KIF13A: variants seen among roughly 807,000 people sequenced by gnomAD.
KIF13A encodes kinesin-like protein KIF13A.
In KIF13A, 79 loss-of-function variants were observed where a neutral mutation model predicts 212.2. That is an observed-to-expected ratio of 0.37 (90% CI 0.31 to 0.45). The LOEUF is 0.45. KIF13A is among the 20% of genes least tolerant of loss of function. The probability of loss-of-function intolerance (pLI) is 1.00; values close to 1 mark genes in which losing one functional copy is unlikely to be tolerated. For synonymous variants in KIF13A, 789 were observed against 808.6 expected (o/e 0.98, Z 0.41); for missense variants, 1,901 against 2,209.0 (o/e 0.86, Z 2.79).
intron 20 of KIF13A, among the ~76,000 whole-genome samples, chr6:17,800,827 CTGACCTCA>C: frequency 6.6e-6 from 1 of 152,016 alleles, no homozygotes; most frequent in African/African-American, 2.4e-5. Flanking sequence ...TCTCGGACTC[CTGACCTCA>C]TGATCCACCC....
chr6:17,986,299 T>C (rs1428712105), intron 2 of KIF13A, among the ~76,000 whole-genome samples: 1 of 152,220 alleles, frequency 6.6e-6, no homozygotes, highest in Non-Finnish European at 1.5e-5. Context: ...TGCCAAATAT[T>C]CAAATTATTT....
chr6:17,822,084 G>A (rs1764515015), intron 16 of KIF13A, among the ~76,000 whole-genome samples: 1 of 146,316 alleles, frequency 6.8e-6, no homozygotes, highest in African/African-American at 2.5e-5. Context: ...CTGTCACCCA[G>A]GTTGAAGTGC....
In KIF13A at chr6:17,764,945, T is replaced by A. The variant is rs747459627; in HGVS notation, c.4583A>T (p.Asp1528Val). 13 of 1,601,468 alleles carry A rather than the reference T, an allele frequency of 8.1e-6. No individual in the cohort carries two copies. In the East Asian group the frequency reaches 2.9e-4, roughly 36 times the overall value. The change falls in exon 39 of 39, where the codon GAC (aspartate) becomes GTC (valine). Residue 1528 changes from aspartate (D) to valine (V), a missense_variant and splice_region_variant. Transcript: ENST00000259711. This position sits in a 1 kb window ranked among gnomAD's most constrained non-coding sequence, Gnocchi z 5.1. ...CAGCTCATTTTCTTCCTCCTCAGAG[T>A]CCTATAGAAGTGAAGCAAAAGTCAG... ...EHNSKREKKI[D>V]SEEEENELEA...
intron 3 of KIF13A, among the ~76,000 whole-genome samples, chr6:17,890,030 A>C (rs1383307697): frequency 6.6e-6 from 1 of 151,902 alleles, no homozygotes; most frequent in African/African-American, 2.4e-5. Flanking sequence ...CTTTACTAAA[A>C]ACACAAAATT....
In KIF13A at chr6:17,783,547, AT is replaced by A. The variant is rs1264976714; in HGVS notation, c.3544+98del. ...TGTCACCCAATTTGGCACATGAATG[AT>A]TAGAAGAGTGATTTAAGGATCAAAA... On this transcript the variant is annotated intron_variant, in intron 29 of 38. Coordinates refer to ENST00000259711, the MANE Select transcript of KIF13A (RefSeq NM_022113.6). The surrounding 1 kb of genome is among the most constrained non-coding windows in gnomAD (Gnocchi z 4.3). 2 of 838,948 alleles carry A rather than the reference AT, an allele frequency of 2.4e-6. No individual in the cohort carries two copies. The highest frequency in any genetic ancestry group is 5.3e-5 in the East Asian group (2 of 37,576). The allele number at this position is 838,948 out of a possible 1,614,324, so 52.0% of individuals were successfully genotyped here. A position where few individuals can be genotyped will look rare whatever the true frequency, so the allele number is the denominator to read the frequency against.
intron 4 of KIF13A, among the ~76,000 whole-genome samples, chr6:17,857,202 G>C (rs2150408282): frequency 6.6e-6 from 1 of 152,226 alleles, no homozygotes; most frequent in East Asian, 1.9e-4. Context: ...ATGACTGCAG[G>C]ATGAGACTCT....
intron 2 of KIF13A, among the ~76,000 whole-genome samples, chr6:17,935,581 G>A (rs987288455): frequency 3.6e-4 from 55 of 152,212 alleles, no homozygotes; most frequent in African/African-American, 1.1e-3. Flanking sequence ...ACAGATCCAC[G>A]AACCTCTAAG....
chr6:17,955,746 G>A (rs1778304768), intron 2 of KIF13A, among the ~76,000 whole-genome samples: 1 of 152,162 alleles, frequency 6.6e-6, no homozygotes, highest in East Asian at 1.9e-4. Context: ...CCTATTTTCT[G>A]TGACTCCTTT....
In KIF13A at chr6:17,768,720, GCTT is replaced by G. The variant is rs897611658; in HGVS notation, c.4581+2391_4581+2393del. On this transcript the variant is annotated intron_variant, in intron 38 of 38. Transcript: ENST00000259711. This position sits in a 1 kb window ranked among gnomAD's most constrained non-coding sequence, Gnocchi z 5.4. ...AGTTGCTCAACAATTCTAACCCTTT[GCTT>G]CTTCTTCTGTAAACCAGAGGAATAA... 2.6e-5 allele frequency among the ~76,000 whole-genome samples: 4 copies of G among 152,166 alleles called. No homozygotes were observed. Among genetic ancestry groups the G allele is most frequent in the South Asian group, 2.1e-4 (1 of 4,832 alleles).
At position 17,763,850 on chromosome 6, in the gene KIF13A, A is replaced by G. The variant is rs1447760744; in HGVS notation, c.*260T>C. The G allele has an allele frequency of 1.3e-5, 17 of 1,296,624 alleles. No homozygotes were observed. In the East Asian group the frequency reaches 5.1e-4, roughly 39 times the overall value. 80.3% of individuals were successfully genotyped at this position (1,296,624 alleles called of 1,614,324 possible). ...GGTAACTAAACATCCCAGGGAATGA[A>G]TATGAGATTGATCCTTATCCATCTG... On this transcript the variant is annotated 3_prime_UTR_variant, in exon 39 of 39. Coordinates refer to ENST00000259711, the MANE Select transcript of KIF13A (RefSeq NM_022113.6).
intron 16 of KIF13A, among the ~76,000 whole-genome samples, chr6:17,824,726 AC>A (rs1764793282): frequency 7.2e-6 from 1 of 139,052 alleles, no homozygotes; most frequent in South Asian, 2.4e-4. Flanking sequence ...GTGCCACTGC[AC>A]TCCAGCCTGG....
chr6:17,905,623 T>C (rs1365979161), intron 2 of KIF13A, among the ~76,000 whole-genome samples: 1 of 152,216 alleles, frequency 6.6e-6, no homozygotes, highest in African/African-American at 2.4e-5. Flanking sequence ...GGGGATTCAC[T>C]GGGCAAAGAG....
At chr6:17,822,513 T>C (rs1478987998) in intron 16 of KIF13A, among the ~76,000 whole-genome samples, 1 of 152,162 alleles carries the variant, frequency 6.6e-6, no homozygotes, top group Non-Finnish European at 1.5e-5. Context: ...TCATTGATTA[T>C]TGAAGGAGTT....
chr6:17,932,737 C>T (rs2150539470), intron 2 of KIF13A, among the ~76,000 whole-genome samples: 1 of 151,858 alleles, frequency 6.6e-6, no homozygotes, highest in East Asian at 1.9e-4. Context: ...TGTATGCAGG[C>T]CAGAGGCCTT....
At chr6:17,879,177 GACACTGATTT>G (rs1770837603) in intron 3 of KIF13A, among the ~76,000 whole-genome samples, 1 of 152,072 alleles carries the variant, frequency 6.6e-6, no homozygotes, top group Admixed American at 6.6e-5. Context: ...TAGCTCCCTT[GACACTGATTT>G]ACATACGGTC....
chr6:17,780,586 G>GAT, intron 31 of KIF13A, 144 bp downstream of exon 31: 2 of 734,574 alleles, frequency 2.7e-6, no homozygotes, highest in Non-Finnish European at 4.5e-6. Context: ...CCACTACCTT[G>GAT]GATAAATGAG....
chr6:17,868,661 T>A (rs1249904908), intron 4 of KIF13A, among the ~76,000 whole-genome samples: 2 of 151,946 alleles, frequency 1.3e-5, no homozygotes, highest in East Asian at 3.9e-4. Flanking sequence ...TTATTACAAC[T>A]ACCTAGCCAA....
intron 2 of KIF13A, among the ~76,000 whole-genome samples, chr6:17,985,152 CATCTGCTA>C (rs1202708046): frequency 1.3e-5 from 2 of 152,190 alleles, no homozygotes; most frequent in African/African-American, 2.4e-5. Flanking sequence ...ACAGAAAGCT[CATCTGCTA>C]TTCAAAGAAT....
intron 2 of KIF13A, among the ~76,000 whole-genome samples, chr6:17,946,101 A>T (rs1777374448): frequency 6.6e-6 from 1 of 152,212 alleles, no homozygotes; most frequent in Non-Finnish European, 1.5e-5. Flanking sequence ...GAACTTTTAA[A>T]AACATGACAC....
Sources: gnomAD v4.1 joint callset for allele counts (sites outside exome capture counted in the v4.1 genomes callset) on GRCh38, gnomAD v4.1.1 for gene constraint, Gnocchi (gnomAD v3.1) non-coding constraint, MANE v1.5 for transcripts, NCBI Gene and HGNC (gene_info 2026-07-23, HGNC 2026-07-21) for gene names.